The following GRIA2 variants were observed in gnomAD, a reference collection of about 807,000 sequenced individuals.
The protein encoded by GRIA2 is glutamate ionotropic receptor AMPA type subunit 2.
A neutral mutation model predicts 97.3 loss-of-function variants in GRIA2; 14 were observed. That is an observed-to-expected ratio of 0.14 (90% CI 0.10 to 0.23). The LOEUF (loss-of-function observed/expected upper bound fraction) is 0.23, where lower values mean the gene tolerates loss of function less well. Among genes scored for constraint, GRIA2 ranks in the 10% least tolerant of loss-of-function variants. The pLI, the probability that GRIA2 is intolerant of heterozygous loss-of-function variation, is 1.00. For missense variants in GRIA2, 558 were observed against 1,069.8 expected (o/e 0.52, Z 6.67); for synonymous variants, 412 against 387.8 (o/e 1.06, Z -0.73).
At chr4:157,312,548 T>C (rs1734126124) in intron 3 of GRIA2, 131 bp from the exon 4 acceptor site, 1 of 516,404 alleles carries the variant, frequency 1.9e-6, no homozygotes, top group African/African-American at 2.0e-5. Flanking sequence ...ATAGCTTTTT[T>C]TGAAGGAGTC....
At position 157,270,493 on chromosome 4, in the gene GRIA2, C is replaced by T. The variant is rs184477460; in HGVS notation, c.230-33059C>T. 6.0e-3 allele frequency among the ~76,000 whole-genome samples: 906 copies of T among 152,242 alleles called. 12 individuals are homozygous for T. Among genetic ancestry groups the T allele is most frequent in the South Asian group, 0.038 (183 of 4,828 alleles). ...TTAAAATAACTTAAATATCACCAAA[C>T]AAATTATATTTATGAGCAAACAGCT... On this transcript the variant is annotated intron_variant, in intron 2 of 15. Transcript: ENST00000264426.
intron 13 of GRIA2, 27 bp downstream of exon 13, chr4:157,360,170 T>C: frequency 6.2e-7 from 1 of 1,602,882 alleles, no homozygotes; most frequent in Non-Finnish European, 8.5e-7. Context: ...AACAATATGC[T>C]AAATGTTGTT....
chr4:157,311,504 T>A (rs958903427), intron 3 of GRIA2, among the ~76,000 whole-genome samples: 1 of 152,028 alleles, frequency 6.6e-6, no homozygotes, highest in Non-Finnish European at 1.5e-5. Flanking sequence ...TTTTTAATGG[T>A]GGTTTTTCTT....
chr4:157,312,997 A>T (rs41279335), intron 4 of GRIA2, 122 bp downstream of exon 4: 4 of 538,050 alleles, frequency 7.4e-6, no homozygotes, highest in Non-Finnish European at 1.3e-5. Flanking sequence ...TTTATGTCGG[A>T]TGCAGCAAAG....
chr4:157,361,142 A>G lies in GRIA2; in HGVS notation c.2406+18A>G, dbSNP rs1736614468. On this transcript the variant is annotated intron_variant, in intron 14 of 15. Coordinates refer to ENST00000264426, the MANE Select transcript of GRIA2 (RefSeq NM_001083619.3). The surrounding 1 kb of genome is among the most constrained non-coding windows in gnomAD (Gnocchi z 5.2). ...ATTCCAAGGTCAGCCCCAGTGAGAA[A>G]AGTAATGGGTAACTCAATGCAAAAC... 4 of 1,543,482 alleles carry G rather than the reference A, an allele frequency of 2.6e-6. No homozygotes were observed. The highest frequency in any genetic ancestry group is 2.7e-5 in the African/African-American group (2 of 73,528).
intron 2 of GRIA2, among the ~76,000 whole-genome samples, chr4:157,277,872 G>GTATATATATGTATATATGTA (rs1390891522): frequency 2.5e-4 from 36 of 143,158 alleles, no homozygotes; most frequent in Non-Finnish European, 4.7e-4. Context: ...ATGTATATAT[G>GTATATATATGTATATATGTA]TATATATATG....
At chr4:157,275,809 T>C (rs1023026749) in intron 2 of GRIA2, among the ~76,000 whole-genome samples, 4 of 152,162 alleles carry the variant, frequency 2.6e-5, no homozygotes, top group African/African-American at 9.7e-5. Flanking sequence ...GCGTGATGCC[T>C]CCAGCTTTTT....
In GRIA2 at chr4:157,312,743, C is replaced by T; in HGVS notation, c.534C>T (p.Ile178=). Residue 178 remains isoleucine, a synonymous_variant, in exon 4 of 16, where the codon ATC becomes ATT. Transcript: ENST00000264426. ...AAAAGAAATGGCAAGTGACTGCTAT[C>T]AATGTGGGAAACATTAACAATGACA... is the stretch of plus-strand genomic sequence containing the variant. The part of the protein sequence containing the change: ...AAEKKWQVTA[I]NVGNINNDKK... The T allele has an allele frequency of 6.2e-7, 1 of 1,609,444 alleles. No individual in the cohort carries two copies. Among genetic ancestry groups the T allele is most frequent in the African/African-American group, 1.3e-5 (1 of 74,876 alleles).
At chr4:157,350,931 C>CTTTT (rs1240937135) in intron 12 of GRIA2, among the ~76,000 whole-genome samples, 1 of 117,528 alleles carries the variant, frequency 8.5e-6, no homozygotes, top group Admixed American at 8.6e-5. Context: ...TTAGTTTTTT[C>CTTTT]TTTTTTTTTT....
intron 12 of GRIA2, among the ~76,000 whole-genome samples, chr4:157,345,982 G>A (rs1225183794): frequency 6.6e-6 from 1 of 152,032 alleles, no homozygotes; most frequent in Non-Finnish European, 1.5e-5. Flanking sequence ...TTATAGTTTA[G>A]AAATAGTATA....
At chr4:157,349,463 C>G (rs569928961) in intron 12 of GRIA2, among the ~76,000 whole-genome samples, 163 of 130,460 alleles carry the variant, frequency 1.2e-3, no homozygotes, top group African/African-American at 4.3e-3. Flanking sequence ...CCCGCTTCCT[C>G]CCCCCACCCT....
chr4:157,286,350 T>G (rs2126825035), intron 2 of GRIA2, among the ~76,000 whole-genome samples: 1 of 151,694 alleles, frequency 6.6e-6, no homozygotes, highest in African/African-American at 2.4e-5. Context: ...ATCAAATTTT[T>G]CTGTGATCTT....
upstream of GRIA2, chr4:157,220,700 A>G (rs1328733795): frequency 6.3e-6 from 2 of 318,076 alleles, no homozygotes; most frequent in African/African-American, 4.3e-5. Context: ...GAGAGAGGAG[A>G]GAGGGAGAAG....
chr4:157,241,358 C>T (rs1730502911), intron 2 of GRIA2, among the ~76,000 whole-genome samples: 1 of 152,018 alleles, frequency 6.6e-6, no homozygotes, highest in African/African-American at 2.4e-5. Context: ...ATTAGTCCTA[C>T]CTAAAAATTC....
chr4:157,305,161 T>G (rs903120768), intron 3 of GRIA2, among the ~76,000 whole-genome samples: 1 of 152,210 alleles, frequency 6.6e-6, no homozygotes, highest in Non-Finnish European at 1.5e-5. Context: ...TTTTAGTTTT[T>G]CCTCTTGTTC....
At chr4:157,300,415 TTTAGGTAAGCATTCTGATGGA>T (rs1312096462) in intron 2 of GRIA2, among the ~76,000 whole-genome samples, 1 of 152,082 alleles carries the variant, frequency 6.6e-6, no homozygotes, top group Non-Finnish European at 1.5e-5. Flanking sequence ...AGTACCTTAG[TTTAGGTAAGCATTCTGATGGA>T]TTTGATTGAT....
At chr4:157,263,993 G>T (rs994393083) in intron 2 of GRIA2, among the ~76,000 whole-genome samples, 5 of 151,564 alleles carry the variant, frequency 3.3e-5, no homozygotes, top group Non-Finnish European at 7.4e-5. Context: ...TTTTTTAGTG[G>T]TAAAATATAT....
chr4:157,254,023 C>CTT (rs879674487), intron 2 of GRIA2, among the ~76,000 whole-genome samples: 1 of 145,470 alleles, frequency 6.9e-6, no homozygotes, highest in Non-Finnish European at 1.5e-5. Context: ...CACATACTTT[C>CTT]TTTTTTTTTT....
chr4:157,258,857 C>T (rs566498695), intron 2 of GRIA2, among the ~76,000 whole-genome samples: 6 of 152,072 alleles, frequency 3.9e-5, no homozygotes, highest in East Asian at 1.9e-4. Context: ...TTATCGGGGG[C>T]GGGTTCCCCC....
Sources: allele counts gnomAD v4.1 joint callset (sites outside exome capture counted in the v4.1 genomes callset), GRCh38; gene constraint gnomAD v4.1.1; non-coding constraint Gnocchi (gnomAD v3.1); transcripts MANE v1.5; gene names NCBI Gene and HGNC (gene_info 2026-07-23, HGNC 2026-07-21).